Variants in ARHGAP32 observed in about 807,000 individuals in gnomAD.
The protein encoded by ARHGAP32 is Rho GTPase activating protein 32.
A neutral mutation model predicts 186.5 loss-of-function variants in ARHGAP32; 51 were observed. The observed-to-expected ratio is 0.27, with a 90% CI of 0.22 to 0.35. The LOEUF (loss-of-function observed/expected upper bound fraction) is 0.35, where lower values mean the gene tolerates loss of function less well. Among genes scored for constraint, ARHGAP32 ranks in the 10% least tolerant of loss-of-function variants. The pLI is 1.00. For missense variants in ARHGAP32, 2,186 were observed against 2,623.5 expected, an observed-to-expected ratio of 0.83 and a Z score of 3.64; for synonymous variants, 950 against 964.3, an observed-to-expected ratio of 0.99 and a Z score of 0.27.
chr11:129,041,158 CACAA>C (rs947552333), intron 10 of ARHGAP32, 149 bp from the exon 11 acceptor site: 16 of 502,370 alleles, frequency 3.2e-5, no homozygotes, highest in African/African-American at 7.7e-5. Flanking sequence ...ATGCCAATTA[CACAA>C]ACAAATAATA....
chr11:129,228,266 A>G (rs955550652), intron 1 of ARHGAP32, among the ~76,000 whole-genome samples: 5 of 152,184 alleles, frequency 3.3e-5, no homozygotes, highest in African/African-American at 1.2e-4. Flanking sequence ...TGTATTTTAA[A>G]AAGTAGAAAG....
intron 18 of ARHGAP32, among the ~76,000 whole-genome samples, chr11:128,979,204 A>G (rs1945638908): frequency 6.6e-6 from 1 of 152,250 alleles, no homozygotes; most frequent in Admixed American, 6.5e-5. Context: ...AAGTGAAAAT[A>G]AGACGTATCT....
At chr11:129,182,173 ATGAGTAC>A (rs1944069458) in intron 1 of ARHGAP32, among the ~76,000 whole-genome samples, 1 of 152,118 alleles carries the variant, frequency 6.6e-6, no homozygotes, top group South Asian at 2.1e-4. Context: ...TCCCCTACTG[ATGAGTAC>A]TTGAATAAAT....
chr11:129,118,531 A>G (rs1305134394), intron 5 of ARHGAP32, among the ~76,000 whole-genome samples: 1 of 152,034 alleles, frequency 6.6e-6, no homozygotes, highest in Non-Finnish European at 1.5e-5. Flanking sequence ...TTAAATGAAC[A>G]ATTTTTAAGA....
At chr11:129,173,832 T>C (rs1165846532) in intron 1 of ARHGAP32, among the ~76,000 whole-genome samples, 3 of 152,122 alleles carry the variant, frequency 2.0e-5, no homozygotes, top group Non-Finnish European at 4.4e-5. Context: ...ACTGAGATCA[T>C]GAACAAATCA....
chr11:129,027,920 T>C (rs996840867), intron 11 of ARHGAP32, among the ~76,000 whole-genome samples: 1 of 152,312 alleles, frequency 6.6e-6, no homozygotes. Flanking sequence ...AAATTCTTGA[T>C]CAATTAATGA....
chr11:129,142,933 TTTAGA>T (rs942864135), intron 2 of ARHGAP32, among the ~76,000 whole-genome samples: 4 of 151,548 alleles, frequency 2.6e-5, no homozygotes, highest in African/African-American at 7.3e-5. Context: ...TCACAGAAGC[TTTAGA>T]TTAATGTTAT....
intron 1 of ARHGAP32, among the ~76,000 whole-genome samples, chr11:129,255,253 T>C (rs1036913071): frequency 6.6e-6 from 1 of 152,090 alleles, no homozygotes; most frequent in Non-Finnish European, 1.5e-5. Flanking sequence ...GTTTACCTGA[T>C]TTACAACAAA....
intron 1 of ARHGAP32, among the ~76,000 whole-genome samples, chr11:129,198,686 C>T (rs1944423618): frequency 6.6e-6 from 1 of 152,180 alleles, no homozygotes; most frequent in Non-Finnish European, 1.5e-5. Flanking sequence ...ATAGATTACC[C>T]AGTTTCATGT....
chr11:129,258,411 G>A (rs541233680), intron 1 of ARHGAP32, among the ~76,000 whole-genome samples: 1 of 152,140 alleles, frequency 6.6e-6, no homozygotes, highest in Non-Finnish European at 1.5e-5. Flanking sequence ...GTTTCCTTTA[G>A]ACTGGGATCT....
chr11:129,029,813 A>AAAC (rs1449555024), intron 11 of ARHGAP32, among the ~76,000 whole-genome samples: 8 of 150,382 alleles, frequency 5.3e-5, no homozygotes, highest in African/African-American at 1.7e-4. Context: ...AAAAAAAAAA[A>AAAC]AAAAAAAAAA....
At chr11:128,998,505 C>T in intron 11 of ARHGAP32, 37 bp from the exon 12 acceptor site, 2 of 1,466,996 alleles carry the variant, frequency 1.4e-6, no homozygotes, top group Non-Finnish European at 9.1e-7. Context: ...TTAGTTGTGG[C>T]AAGAGGTTAC....
rs763443081 is a variant in ARHGAP32 at position 128,973,381 on chromosome 11, G to C, written c.3125C>G (p.Ser1042Cys). ...PQDSVPVSSV[S>C]LIPPPPPPKN... is the part of the protein sequence containing the mutation. ...CGGAGGCGGTGGTGGTGGGATAAGA[G>C]AGACTGAACTGACAGGAACGGAATC... The change falls in exon 22 of 23, where the codon TCT (serine) becomes TGT (cysteine). Residue 1042 changes from serine to cysteine, a missense_variant. Coordinates refer to ENST00000682385, the MANE Select transcript of ARHGAP32 (RefSeq NM_001378024.1). The C allele has an allele frequency of 6.2e-7, 1 of 1,614,106 alleles. No individual in the cohort carries two copies. Among genetic ancestry groups the C allele is most frequent in the Non-Finnish European group, 8.5e-7 (1 of 1,180,028 alleles).
Position 128,967,576 on chromosome 11 carries a change from C to T in ARHGAP32, c.*1331G>A, listed in dbSNP as rs1945248851. On this transcript the variant is annotated 3_prime_UTR_variant, in exon 23 of 23. Coordinates refer to ENST00000682385, the MANE Select transcript of ARHGAP32 (RefSeq NM_001378024.1). The stretch of plus-strand genomic sequence containing the variant: ...GTTCCTACTCTAATAAGGAATGCAA[C>T]TTTCAAAACTCGTGGGTGTTAAACA... The T allele has an allele frequency of 6.6e-6, 1 of 152,156 alleles. No individual in the cohort carries two copies. The highest frequency in any genetic ancestry group is 2.4e-5 in the African/African-American group (1 of 41,428). The allele number at this position is 152,156 out of a possible 1,614,324, so 9.4% of individuals were successfully genotyped here.
chr11:129,089,449 A>T (rs1448549696), intron 6 of ARHGAP32, among the ~76,000 whole-genome samples: 3 of 152,222 alleles, frequency 2.0e-5, no homozygotes, highest in South Asian at 4.1e-4. Context: ...CTGGGAAGCT[A>T]CCAGATGTAG....
In ARHGAP32 at chr11:128,998,341, G is replaced by A. The variant is rs749672430; in HGVS notation, c.1173C>T (p.His391=). The A allele has an allele frequency of 2.5e-6, 4 of 1,578,946 alleles. No homozygotes were observed. The highest frequency in any genetic ancestry group is 3.5e-5 in the Admixed American group (2 of 56,398). The part of the protein sequence containing the change: ...ERVFGCDLGE[H]LLNSGFEVPQ... The stretch of plus-strand genomic sequence containing the variant: ...TACCTTCAAAACCAGAATTTAGAAG[G>A]TGTTCCCCCAGGTCACAACCAAACA... The change falls in exon 12 of 23, where the codon CAC becomes CAT. Residue 391 remains histidine, a synonymous_variant. Coordinates refer to ENST00000682385, the MANE Select transcript of ARHGAP32 (RefSeq NM_001378024.1).
intron 1 of ARHGAP32, among the ~76,000 whole-genome samples, chr11:129,217,052 T>C (rs1365640981): frequency 6.6e-6 from 1 of 152,196 alleles, no homozygotes; most frequent in Non-Finnish European, 1.5e-5. Context: ...TTCTAAATCT[T>C]TACTTAATTT....
chr11:129,208,197 T>A (rs1007912318), intron 1 of ARHGAP32, among the ~76,000 whole-genome samples: 1 of 152,190 alleles, frequency 6.6e-6, no homozygotes, highest in African/African-American at 2.4e-5. Context: ...CAACTTATCT[T>A]AGAATGAATT....
intron 6 of ARHGAP32, among the ~76,000 whole-genome samples, chr11:129,081,488 T>A (rs1346760850): frequency 6.6e-6 from 1 of 151,578 alleles, no homozygotes; most frequent in Non-Finnish European, 1.5e-5. Context: ...ATACACAACA[T>A]AAACATAAAA....
Sources: gnomAD v4.1 joint callset for allele counts (sites outside exome capture counted in the v4.1 genomes callset) on GRCh38, gnomAD v4.1.1 for gene constraint, MANE v1.5 for transcripts, NCBI Gene and HGNC (gene_info 2026-07-23, HGNC 2026-07-21) for gene names.